The following FBXO41 variants were observed in gnomAD, a reference collection of about 807,000 sequenced individuals.
FBXO41 encodes the protein F-box protein 41, also known as F-box only protein 41.
Under a neutral mutation model 81.6 loss-of-function variants are expected in FBXO41, and 33 were observed. The observed-to-expected ratio is 0.40, with a 90% CI of 0.31 to 0.54. The LOEUF (loss-of-function observed/expected upper bound fraction) is 0.54. FBXO41 is among the 20% of genes least tolerant of loss of function. FBXO41 has a pLI of 0.39. For missense variants in FBXO41, 1,107 were observed against 1,236.0 expected (o/e 0.90, Z 1.56); for synonymous variants, 576 against 552.7 (o/e 1.04, Z -0.59).
chr2:73,282,178 G>A (rs964340012), intron 1 of FBXO41, among the ~76,000 whole-genome samples: 16 of 152,138 alleles, frequency 1.1e-4, no homozygotes, highest in African/African-American at 3.9e-4. Context: ...ATTTTTAGTA[G>A]AGATGGGGTT....
chr2:73,262,274 G>A (rs945868739), intron 9 of FBXO41, among the ~76,000 whole-genome samples: 1 of 152,112 alleles, frequency 6.6e-6, no homozygotes, highest in Non-Finnish European at 1.5e-5. Context: ...GATGACAGAG[G>A]GGTCAGGGCA....
chr2:73,258,608 G>A lies in FBXO41; in HGVS notation c.*374C>T, dbSNP rs1473847070. The A allele has an allele frequency of 4.4e-6, 1 of 226,940 alleles. No individual in the cohort carries two copies. Among genetic ancestry groups the A allele is most frequent in the Admixed American group, 5.4e-5 (1 of 18,688 alleles). 14.1% of individuals were successfully genotyped at this position (226,940 alleles called of 1,614,324 possible). A position where few individuals can be genotyped will look rare whatever the true frequency, so the allele number is the denominator to read the frequency against. On this transcript the variant is annotated 3_prime_UTR_variant, in exon 13 of 13. Transcript: ENST00000520530. Reference sequence around the variant, plus strand: ...CCCAGATGCTCCTGACCAGGAGGCTGGGCCTCAGGAAGGAGAGGCCAGCCA... The same window carrying A: ...CCCAGATGCTCCTGACCAGGAGGCTAGGCCTCAGGAAGGAGAGGCCAGCCA...
Position 73,257,274 on chromosome 2 carries a change from G to C in FBXO41, c.*1708C>G, listed in dbSNP as rs1390302583. ...CCAGCATGACACCCTTGGTATTTTA[G>C]GTTTTCAAAGGGCAGGGACAGAATG... On this transcript the variant is annotated 3_prime_UTR_variant, in exon 13 of 13. Transcript: ENST00000520530. The surrounding 1 kb of genome is among the most constrained non-coding windows in gnomAD (Gnocchi z 4.6). 6.6e-6 allele frequency: 1 copy of C among 152,650 alleles called. No homozygotes were observed. 9.5% of individuals were successfully genotyped at this position (152,650 alleles called of 1,614,324 possible).
At position 73,268,912 on chromosome 2, in the gene FBXO41, T is replaced by TCGGCCTGCAGC; in HGVS notation, c.708_718dup (p.Glu240GlyfsTer43). On this transcript the variant is annotated frameshift_variant, in exon 2 of 13. Transcript: ENST00000520530. LOFTEE classifies it high-confidence loss of function. ...CAGTTCGGCCGCCTTGCGCTCCAGC[T>TCGGCCTGCAGC]CGGCCTGCAGCCGGCCCACCTGGCC... 6.5e-7 allele frequency: 1 copy of TCGGCCTGCAGC among 1,544,630 alleles called. No homozygotes were observed. The highest frequency in any genetic ancestry group is 8.7e-7 in the Non-Finnish European group (1 of 1,147,864).
Position 73,255,134 on chromosome 2 carries a change from T to G in FBXO41, c.*3848A>C, listed in dbSNP as rs1209667246. On this transcript the variant is annotated 3_prime_UTR_variant, in exon 13 of 13. Transcript: ENST00000520530. ...CTCTGCCCTGGATACAAGACCCTTG[T>G]CAGGGCAGAGCTGAGGCTGGCAAGC... 1 of 152,658 alleles carries G rather than the reference T, an allele frequency of 6.6e-6. No individual in the cohort carries two copies. The highest frequency in any genetic ancestry group is 1.5e-5 in the Non-Finnish European group (1 of 68,070). 9.5% of individuals were successfully genotyped at this position (152,658 alleles called of 1,614,324 possible). A position where few individuals can be genotyped will look rare whatever the true frequency, so the allele number is the denominator to read the frequency against.
At chr2:73,273,062 C>G (rs1056226126) in intron 1 of FBXO41, 3 of 152,278 alleles carry the variant, frequency 2.0e-5, no homozygotes, top group South Asian at 4.1e-4. Flanking sequence ...TTCCTCACCC[C>G]CCTCTTCAAC....
rs1366354002 is a variant in FBXO41, at chr2:73,269,338, G to A, written c.293C>T (p.Pro98Leu). 5.3e-6 allele frequency: 8 copies of A among 1,520,298 alleles called. No individual in the cohort carries two copies. The East Asian group carries it at 1.4e-4, about 26-fold the overall frequency. The allele number at this position is 1,520,298 out of a possible 1,614,324, so 94.2% of individuals were successfully genotyped here. Residue 98 changes from proline to leucine, a missense_variant, in exon 2 of 13, where the codon CCG (proline) becomes CTG (leucine). Coordinates refer to ENST00000520530, the MANE Select transcript of FBXO41 (RefSeq NM_001371389.2). This position sits in a 1 kb window ranked among gnomAD's most constrained non-coding sequence, Gnocchi z 7.0. Reference sequence around the variant, plus strand: ...CAGCAGGTGCGGCGCCGCGGGCGACGGCCCGGCCGCCTGCTCCTTGCCCTG... The same window carrying A: ...CAGCAGGTGCGGCGCCGCGGGCGACAGCCCGGCCGCCTGCTCCTTGCCCTG... Reference protein sequence around the residue: ...SFQGKEQAAGPSPAAPHLLHH... With the variant: ...SFQGKEQAAGLSPAAPHLLHH...
At position 73,259,006 on chromosome 2, in the gene FBXO41, G is replaced by T. The variant is rs754207965; in HGVS notation, c.2604C>A (p.His868Gln). ...RRRPGFSKIL[H>Q]IKVEGGC Reference sequence around the variant, plus strand: ...GTTAGCAGCCGCCTTCCACCTTGATGTGCAGAATCTTAGAGAAGCCGGGCC... The same window carrying T: ...GTTAGCAGCCGCCTTCCACCTTGATTTGCAGAATCTTAGAGAAGCCGGGCC... The change falls in exon 13 of 13, where the codon CAC (histidine) becomes CAA (glutamine). Residue 868 changes from histidine to glutamine, a missense_variant. Physicochemically the swap from His to Gln is conservative, Grantham distance 24. Around this residue, in one of 2 missense-constraint regions of FBXO41, gnomAD observed 336 missense variants for 446.7 expected, o/e 0.75. Transcript: ENST00000520530. The surrounding 1 kb of genome is among the most constrained non-coding windows in gnomAD (Gnocchi z 4.2). 3.8e-6 allele frequency: 6 copies of T among 1,594,370 alleles called. No individual in the cohort carries two copies. The highest frequency in any genetic ancestry group is 3.3e-4 in the Middle Eastern group (2 of 6,040).
At chr2:73,264,722 C>G (rs758208615) in intron 5 of FBXO41, among the ~76,000 whole-genome samples, 5 of 152,110 alleles carry the variant, frequency 3.3e-5, no homozygotes, top group African/African-American at 4.8e-5. Flanking sequence ...AAAAAGGCAT[C>G]CCTTGTGTAA....
At chr2:73,273,452 G>C (rs1196128174) in intron 1 of FBXO41, among the ~76,000 whole-genome samples, 1 of 152,140 alleles carries the variant, frequency 6.6e-6, no homozygotes, top group African/African-American at 2.4e-5. Context: ...TTCCCTTTGA[G>C]AACCATTGCC....
Position 73,265,386 on chromosome 2 carries a change from G to C in FBXO41, c.1460C>G (p.Ser487Cys). 6.2e-7 allele frequency: 1 copy of C among 1,611,494 alleles called. No homozygotes were observed. Among genetic ancestry groups the C allele is most frequent in the Non-Finnish European group, 8.5e-7 (1 of 1,179,742 alleles). The stretch of plus-strand genomic sequence containing the variant: ...CTCAGTGGTTCGGGAGCCAACGTCG[G>C]AGACATCACCCTCTTCCCCCTCAGT... The part of the protein sequence containing the change: ...HSTEGEEGDV[S>C]DVGSRTTESE... The change falls in exon 5 of 13, where the codon TCC becomes TGC. Residue 487 changes from serine (S) to cysteine (C), a missense_variant. Around this residue, in one of 2 missense-constraint regions of FBXO41, gnomAD observed 771 missense variants for 789.2 expected, o/e 0.98. Coordinates refer to ENST00000520530, the MANE Select transcript of FBXO41 (RefSeq NM_001371389.2).
At chr2:73,283,922 C>A (rs562420097) in intron 1 of FBXO41, among the ~76,000 whole-genome samples, 1 of 152,008 alleles carries the variant, frequency 6.6e-6, no homozygotes, top group East Asian at 1.9e-4. Flanking sequence ...GCTCAGGGAG[C>A]GACAGGCGAG....
At chr2:73,279,984 G>A (rs1260619046) in intron 1 of FBXO41, among the ~76,000 whole-genome samples, 3 of 152,048 alleles carry the variant, frequency 2.0e-5, no homozygotes, top group Non-Finnish European at 4.4e-5. Flanking sequence ...CAATGTTGGC[G>A]GCTCAAAGCT....
Position 73,264,326 on chromosome 2 carries a change from G to A in FBXO41, c.1758C>T (p.Pro586=), listed in dbSNP as rs773115773. The change falls in exon 6 of 13, where the codon CCC becomes CCT. Residue 586 remains proline (P), a synonymous_variant. Coordinates refer to ENST00000520530, the MANE Select transcript of FBXO41 (RefSeq NM_001371389.2). ...CAAGCAGCACCCTTGTCCAGACTGC[G>A]GGGTGGCGGGCCACGAAGCGCCAGT... ...CRDWRFVARH[P]AVWTRVLLEN... is the part of the protein sequence containing the mutation. 1.2e-5 allele frequency: 20 copies of A among 1,613,514 alleles called. No individual in the cohort carries two copies. Among genetic ancestry groups the A allele is most frequent in the African/African-American group, 5.3e-5 (4 of 74,920 alleles).
chr2:73,264,142 G>C (rs1025076678), intron 6 of FBXO41, 89 bp from the exon 7 acceptor site: 1 of 1,552,734 alleles, frequency 6.4e-7, no homozygotes, highest in African/African-American at 1.4e-5. Context: ...AAGGCCCCAT[G>C]AGAGCATTTC....
Position 73,269,431 on chromosome 2 carries a change from G to A in FBXO41, c.200C>T (p.Ala67Val). The A allele has an allele frequency of 1.5e-6, 2 of 1,357,426 alleles. No homozygotes were observed. The highest frequency in any genetic ancestry group is 9.4e-7 in the Non-Finnish European group (1 of 1,059,488). 84.1% of individuals were successfully genotyped at this position (1,357,426 alleles called of 1,614,324 possible). A position where few individuals can be genotyped will look rare whatever the true frequency, so the allele number is the denominator to read the frequency against. Reference sequence around the variant, plus strand: ...GGCCAGCAGGGCGGCGGGCTCGGGAGCCAGCGGGAACCCCGAGGCAGCGGC... The same window carrying A: ...GGCCAGCAGGGCGGCGGGCTCGGGAACCAGCGGGAACCCCGAGGCAGCGGC... Reference protein sequence around the residue: ...AAAAASGFPLAPEPAALLAVP... With the variant: ...AAAAASGFPLVPEPAALLAVP... Residue 67 changes from alanine to valine, a missense_variant, in exon 2 of 13, where the codon GCT (alanine) becomes GTT (valine). By Grantham distance (64) the Ala-to-Val change is moderately conservative. Coordinates refer to ENST00000520530, the MANE Select transcript of FBXO41 (RefSeq NM_001371389.2). The surrounding 1 kb of genome is among the most constrained non-coding windows in gnomAD (Gnocchi z 7.0).
chr2:73,264,024 G>T lies in FBXO41; in HGVS notation c.1836C>A (p.Thr612=). 6.2e-7 allele frequency: 1 copy of T among 1,600,414 alleles called. No individual in the cohort carries two copies. The highest frequency in any genetic ancestry group is 8.5e-7 in the Non-Finnish European group (1 of 1,173,342). ...KFLAMLAQWC[T]QAHSLTLQNL... ...TCTGCAGCGTCAGAGAGTGGGCCTG[G>T]GTGCACCACTGAGCCAGCATTGCCA... The change falls in exon 7 of 13, where the codon ACC becomes ACA. Residue 612 remains threonine (T), a synonymous_variant. Coordinates refer to ENST00000520530, the MANE Select transcript of FBXO41 (RefSeq NM_001371389.2).
At chr2:73,281,974 G>A (rs1463764469) in intron 1 of FBXO41, among the ~76,000 whole-genome samples, 1 of 152,206 alleles carries the variant, frequency 6.6e-6, no homozygotes, top group African/African-American at 2.4e-5. Context: ...ATACACACAG[G>A]TTGGCCCATG....
At chr2:73,270,127 G>C (rs879859872) in intron 1 of FBXO41, among the ~76,000 whole-genome samples, 1 of 152,168 alleles carries the variant, frequency 6.6e-6, no homozygotes, top group Non-Finnish European at 1.5e-5. Flanking sequence ...CAGTGACATG[G>C]ATGAGTCCAT....
Sources: gnomAD v4.1 joint callset for allele counts (sites outside exome capture counted in the v4.1 genomes callset) on GRCh38, gnomAD v4.1.1 for gene constraint, gnomAD v4.1.1 regional missense constraint, Gnocchi (gnomAD v3.1) non-coding constraint, MANE v1.5 for transcripts, NCBI Gene and HGNC (gene_info 2026-07-23, HGNC 2026-07-21) for gene names.